The following WDR72 variants were observed in gnomAD, a reference collection of about 807,000 sequenced individuals.
WDR72 encodes WD repeat domain 72.
WDR72 carries 120 observed loss-of-function variants against 124.2 expected under a neutral mutation model. That is an observed-to-expected ratio of 0.97 (90% CI 0.83 to 1.12). WDR72 has a LOEUF of 1.12. Ranked by LOEUF, WDR72 falls within the 50% of genes most tolerant of loss-of-function variation. The probability of loss-of-function intolerance (pLI) is 0.00; values close to 1 mark genes in which losing one functional copy is unlikely to be tolerated. For synonymous variants in WDR72, 452 were observed against 441.7 expected (o/e 1.02, Z -0.29); for missense variants, 1,387 against 1,278.8 (o/e 1.08, Z -1.29).
At position 53,609,418 on chromosome 15, in the gene WDR72, G is replaced by A. The variant is rs1252950356; in HGVS notation, c.2952+95C>T. On this transcript the variant is annotated intron_variant, in intron 17 of 19. Transcript: ENST00000360509. ...CAAAGGCCATTTTATGAGGACAAGA[G>A]TAACTGCTTGTATTTTCAGATAGAG... The A allele has an allele frequency of 3.7e-6, 4 of 1,077,586 alleles. No homozygotes were observed. In the African/African-American group the frequency reaches 4.7e-5, roughly 13 times the overall value. The allele number at this position is 1,077,586 out of a possible 1,614,324, so 66.8% of individuals were successfully genotyped here. A position where few individuals can be genotyped will look rare whatever the true frequency, so the allele number is the denominator to read the frequency against.
At chr15:53,521,351 A>G (rs1467313256) in intron 19 of WDR72, among the ~76,000 whole-genome samples, 1 of 152,032 alleles carries the variant, frequency 6.6e-6, no homozygotes, top group Non-Finnish European at 1.5e-5. Context: ...CGATGTCTCC[A>G]TGACAACCAA....
chr15:53,751,297 T>C (rs2018768342), intron 1 of WDR72, among the ~76,000 whole-genome samples: 1 of 151,400 alleles, frequency 6.6e-6, no homozygotes, highest in African/African-American at 2.4e-5. Flanking sequence ...AACTTCATTA[T>C]TGTCATATTT....
chr15:53,545,212 C>T (rs1366723684), intron 18 of WDR72, among the ~76,000 whole-genome samples: 1 of 151,814 alleles, frequency 6.6e-6, no homozygotes, highest in East Asian at 1.9e-4. Flanking sequence ...CACGGGAATC[C>T]TAAGCCAAAA....
chr15:53,751,867 G>C (rs1354876383), intron 1 of WDR72, among the ~76,000 whole-genome samples: 1 of 151,898 alleles, frequency 6.6e-6, no homozygotes, highest in Non-Finnish European at 1.5e-5. Flanking sequence ...ACTCTGTGTT[G>C]GATTTTTATC....
intron 13 of WDR72, among the ~76,000 whole-genome samples, chr15:53,695,189 C>A (rs2016966173): frequency 6.6e-6 from 1 of 152,148 alleles, no homozygotes; most frequent in Non-Finnish European, 1.5e-5. Flanking sequence ...TGGCATATTT[C>A]CCAACACAGT....
chr15:53,520,240 CT>C (rs746310467), intron 19 of WDR72, among the ~76,000 whole-genome samples: 13 of 152,010 alleles, frequency 8.6e-5, no homozygotes, highest in Non-Finnish European at 1.8e-4. Context: ...ATGGAAAATA[CT>C]TTTTTTCATT....
intron 13 of WDR72, among the ~76,000 whole-genome samples, chr15:53,686,473 C>T (rs868587062): frequency 1.3e-5 from 2 of 151,438 alleles, no homozygotes; most frequent in African/African-American, 4.9e-5. Flanking sequence ...AAGGCCATTA[C>T]ATAATGGTAA....
chr15:53,634,890 G>A (rs2014568330), intron 14 of WDR72, among the ~76,000 whole-genome samples: 1 of 152,222 alleles, frequency 6.6e-6, no homozygotes, highest in South Asian at 2.1e-4. Flanking sequence ...GGCAGCAAAG[G>A]TAGTAGTGCA....
chr15:53,593,189 T>G (rs1402999552), intron 18 of WDR72, among the ~76,000 whole-genome samples: 1 of 152,112 alleles, frequency 6.6e-6, no homozygotes, highest in Non-Finnish European at 1.5e-5. Flanking sequence ...TAATTAAATA[T>G]TCTGCATTTC....
intron 18 of WDR72, among the ~76,000 whole-genome samples, chr15:53,585,363 G>A (rs993758240): frequency 2.6e-5 from 4 of 151,914 alleles, no homozygotes; most frequent in Admixed American, 2.0e-4. Context: ...TCACTATCAT[G>A]AGAACAGCAT....
chr15:53,634,382 C>G (rs1005758576), intron 14 of WDR72, among the ~76,000 whole-genome samples: 5 of 152,188 alleles, frequency 3.3e-5, no homozygotes, highest in African/African-American at 1.2e-4. Flanking sequence ...AAAAGCCTGT[C>G]CCCTCTAACC....
At chr15:53,586,707 T>C (rs1026324412) in intron 18 of WDR72, among the ~76,000 whole-genome samples, 5 of 152,044 alleles carry the variant, frequency 3.3e-5, no homozygotes, top group African/African-American at 1.2e-4. Context: ...TGTGAGGACA[T>C]AAAGATGAAA....
At chr15:53,609,346 C>G (rs903639149) in intron 17 of WDR72, among the ~76,000 whole-genome samples, 167 bp downstream of exon 17, 3 of 152,074 alleles carry the variant, frequency 2.0e-5, no homozygotes, top group Non-Finnish European at 4.4e-5. Context: ...AATGGTGTAC[C>G]CTTGCTTATG....
chr15:53,630,814 T>C (rs2014397380), intron 14 of WDR72, among the ~76,000 whole-genome samples: 1 of 152,218 alleles, frequency 6.6e-6, no homozygotes, highest in African/African-American at 2.4e-5. Context: ...AAGTATGTCC[T>C]TTCTTGTTAG....
In WDR72 at chr15:53,754,633, C is replaced by T. The variant is rs566820403; in HGVS notation, c.-13+5000G>A. 5.3e-5 allele frequency among the ~76,000 whole-genome samples: 8 copies of T among 152,186 alleles called. No homozygotes were observed. In the East Asian group the frequency reaches 7.8e-4, roughly 15 times the overall value. ...TATAAGAGCCTGAGAGGCCTGGAAT[C>T]GATCCAACCCATTTTAACTAGCAAG... On this transcript the variant is annotated intron_variant, in intron 1 of 19. Transcript: ENST00000360509.
At chr15:53,658,300 C>T (rs915435113) in intron 14 of WDR72, among the ~76,000 whole-genome samples, 1 of 152,114 alleles carries the variant, frequency 6.6e-6, no homozygotes, top group Non-Finnish European at 1.5e-5. Context: ...TTGAACATAA[C>T]AGCTCGCAAT....
intron 18 of WDR72, among the ~76,000 whole-genome samples, chr15:53,537,589 C>T (rs530000613): frequency 1.3e-5 from 2 of 152,206 alleles, no homozygotes; most frequent in Admixed American, 1.3e-4. Flanking sequence ...GTGATGGTGC[C>T]TACCAGGGGC....
At chr15:53,600,952 C>A (rs1239363530) in intron 17 of WDR72, among the ~76,000 whole-genome samples, 1 of 152,184 alleles carries the variant, frequency 6.6e-6, no homozygotes, top group Non-Finnish European at 1.5e-5. Context: ...AACAGACAAT[C>A]TCTAGACAAA....
intron 2 of WDR72, among the ~76,000 whole-genome samples, chr15:53,729,926 A>C (rs6493645): frequency 0.14 from 20,749 of 152,258 alleles, 1,642 homozygotes; most frequent in Middle Eastern, 0.2. Context: ...CAATAGAATT[A>C]ACACTCCATA....
Sources: allele counts gnomAD v4.1 joint callset (sites outside exome capture counted in the v4.1 genomes callset), GRCh38; gene constraint gnomAD v4.1.1; transcripts MANE v1.5; gene names NCBI Gene and HGNC (gene_info 2026-07-23, HGNC 2026-07-21).